PSMC2: variants seen among roughly 807,000 people sequenced by gnomAD.
PSMC2 encodes the protein proteasome 26S subunit, ATPase 2, also known as 26S proteasome regulatory subunit 7.
In PSMC2, 7 loss-of-function variants were observed where a neutral mutation model predicts 53.3. The ratio of observed to expected loss-of-function variants is 0.13; its 90% CI spans 0.07 to 0.25. PSMC2 has a LOEUF of 0.25. PSMC2 is among the 10% of genes least tolerant of loss of function. The probability of loss-of-function intolerance (pLI) is 1.00; values close to 1 mark genes in which losing one functional copy is unlikely to be tolerated. For synonymous variants in PSMC2, 169 were observed against 183.9 expected (o/e 0.92, Z 0.66); for missense variants, 241 against 544.0 (o/e 0.44, Z 5.54).
intron 1 of PSMC2, chr7:103,348,782 T>G: frequency 1.1e-6 from 1 of 928,654 alleles, no homozygotes; most frequent in African/African-American, 1.6e-5. Flanking sequence ...GTGATCTTCC[T>G]TCAAAGGATT....
chr7:103,369,063 C>T lies in PSMC2; in HGVS notation c.*1009C>T, dbSNP rs1317696545. 1 of 152,000 alleles carries T rather than the reference C, an allele frequency of 6.6e-6. No individual in the cohort carries two copies. The highest frequency in any genetic ancestry group is 2.4e-5 in the African/African-American group (1 of 41,384). The allele number at this position is 152,000 out of a possible 1,614,324, so 9.4% of individuals were successfully genotyped here. A position where few individuals can be genotyped will look rare whatever the true frequency, so the allele number is the denominator to read the frequency against. On this transcript the variant is annotated 3_prime_UTR_variant, in exon 12 of 12. Coordinates refer to ENST00000292644, the MANE Select transcript of PSMC2 (RefSeq NM_002803.4). ...AAGTTCGATATTCATAAATAAGTTG[C>T]AAAATAAGAGTTGGATATATTTTTA... is the stretch of plus-strand genomic sequence containing the variant.
At chr7:103,352,215 TAAAAAA>T (rs769618353) in intron 1 of PSMC2, among the ~76,000 whole-genome samples, 676 of 40,612 alleles carry the variant, frequency 0.017, 9 homozygotes, top group African/African-American at 0.057. Flanking sequence ...CATACTTAGT[TAAAAAA>T]AAAAAAAAAA....
chr7:103,348,819 C>T (rs1819665180), intron 1 of PSMC2: 1 of 709,116 alleles, frequency 1.4e-6, no homozygotes, highest in Non-Finnish European at 2.6e-6. Context: ...CAATGGAAAA[C>T]CATGATAGTT....
At chr7:103,362,281 C>T in intron 5 of PSMC2, 193 bp downstream of exon 5, 1 of 1,408,206 alleles carries the variant, frequency 7.1e-7, no homozygotes, top group Admixed American at 3.2e-5. Flanking sequence ...GCTGACTCCC[C>T]TACTCCCACT....
intron 7 of PSMC2, among the ~76,000 whole-genome samples, chr7:103,363,926 A>G (rs1033061191): frequency 6.6e-6 from 1 of 152,216 alleles, no homozygotes; most frequent in Non-Finnish European, 1.5e-5. Context: ...AGTCTTATGT[A>G]TTGATAGAAG....
intron 5 of PSMC2, 107 bp from the exon 6 acceptor site, chr7:103,362,577 GTC>G: frequency 7.0e-7 from 1 of 1,435,398 alleles, no homozygotes; most frequent in Non-Finnish European, 9.5e-7. Context: ...TAGGGACTCT[GTC>G]TCTCTCTTGT....
At chr7:103,364,352 T>G (rs758727100) in intron 8 of PSMC2, 45 bp downstream of exon 8, 1 of 1,601,310 alleles carries the variant, frequency 6.2e-7, no homozygotes, top group South Asian at 1.1e-5. Flanking sequence ...TGAAAGATTT[T>G]ACAGTATGAA....
chr7:103,365,543 C>T (rs1820670633), intron 8 of PSMC2, among the ~76,000 whole-genome samples: 2 of 152,164 alleles, frequency 1.3e-5, no homozygotes, highest in African/African-American at 2.4e-5. Context: ...GCATGAGAAT[C>T]GCTTGAACCC....
At chr7:103,353,835 G>T (rs554411468) in intron 1 of PSMC2, 86 bp from the exon 2 acceptor site, 2 of 1,150,932 alleles carry the variant, frequency 1.7e-6, no homozygotes, top group African/African-American at 1.6e-5. Flanking sequence ...AATTTGAATC[G>T]AACAGAAAAA....
At chr7:103,363,650 A>C (rs960518575) in intron 7 of PSMC2, among the ~76,000 whole-genome samples, 6 of 151,714 alleles carry the variant, frequency 4.0e-5, no homozygotes, top group African/African-American at 1.5e-4. Flanking sequence ...TAAAAAAGAA[A>C]GATCTGCTGT....
chr7:103,362,839 G>T, intron 6 of PSMC2, 81 bp downstream of exon 6: 2 of 1,120,640 alleles, frequency 1.8e-6, no homozygotes, highest in Admixed American at 2.0e-5. Flanking sequence ...TCTTGTCCAG[G>T]CTGGAGTAGA....
At chr7:103,361,000 G>C (rs1820357216) in intron 4 of PSMC2, among the ~76,000 whole-genome samples, 1 of 152,084 alleles carries the variant, frequency 6.6e-6, no homozygotes. Flanking sequence ...TGTAATGCCA[G>C]CTACTTGGGA....
Position 103,367,343 on chromosome 7 carries a change from A to T in PSMC2, c.845-70A>T. 6.8e-7 allele frequency: 1 copy of T among 1,464,962 alleles called. No homozygotes were observed. The highest frequency in any genetic ancestry group is 9.5e-7 in the Non-Finnish European group (1 of 1,052,234). 90.7% of individuals were successfully genotyped at this position (1,464,962 alleles called of 1,614,324 possible). ...CATGATTTGAGCTGAGATTTTTGGTACTTTCAGGTCATGCATAGTGCTACT... is the reference window on the plus strand; with the variant it reads ...CATGATTTGAGCTGAGATTTTTGGTTCTTTCAGGTCATGCATAGTGCTACT... On this transcript the variant is annotated intron_variant, in intron 9 of 11. Transcript: ENST00000292644. This position sits in a 1 kb window ranked among gnomAD's most constrained non-coding sequence, Gnocchi z 6.1.
intron 4 of PSMC2, among the ~76,000 whole-genome samples, chr7:103,358,408 G>A (rs144394763): frequency 1.3e-3 from 197 of 152,126 alleles, no homozygotes; most frequent in African/African-American, 4.5e-3. Context: ...CTTTCCTTCC[G>A]TTTTCTTGGA....
rs1292922429 is a variant in PSMC2, at chr7:103,369,211, T to A, written c.*1157T>A. 1 of 152,228 alleles carries A rather than the reference T, an allele frequency of 6.6e-6. No homozygotes were observed. Among genetic ancestry groups the A allele is most frequent in the Non-Finnish European group, 1.5e-5 (1 of 68,034 alleles). 9.4% of individuals were successfully genotyped at this position (152,228 alleles called of 1,614,324 possible). A position where few individuals can be genotyped will look rare whatever the true frequency, so the allele number is the denominator to read the frequency against. On this transcript the variant is annotated 3_prime_UTR_variant, in exon 12 of 12. Transcript: ENST00000292644. The stretch of plus-strand genomic sequence containing the variant: ...ATAAAATCCAACCAACATTCTTGAT[T>A]TTTCATTTTTATGAACTTGATCAGA...
At chr7:103,357,537 AT>A (rs1348310737) in intron 4 of PSMC2, among the ~76,000 whole-genome samples, 1 of 152,078 alleles carries the variant, frequency 6.6e-6, no homozygotes, top group Admixed American at 6.6e-5. Flanking sequence ...TTGGCTTTCC[AT>A]CATGGAAGAT....
chr7:103,362,792 G>GTA, intron 6 of PSMC2, 34 bp downstream of exon 6: 82 of 867,794 alleles, frequency 9.4e-5, no homozygotes, highest in Non-Finnish European at 1.4e-4. Flanking sequence ...GGAAGGCTAT[G>GTA]TCTTTTTTTT....
chr7:103,350,017 A>G (rs1819694006), intron 1 of PSMC2, among the ~76,000 whole-genome samples: 3 of 152,230 alleles, frequency 2.0e-5, no homozygotes, highest in African/African-American at 7.2e-5. Context: ...AAGTGGTATC[A>G]ATTTTTGTTA....
At chr7:103,349,155 A>C (rs995128526) in intron 1 of PSMC2, among the ~76,000 whole-genome samples, 3 of 152,112 alleles carry the variant, frequency 2.0e-5, no homozygotes, top group Non-Finnish European at 4.4e-5. Context: ...TTTCTTAACA[A>C]CTTCAACTTT....
Sources: gnomAD v4.1 joint callset for allele counts (sites outside exome capture counted in the v4.1 genomes callset) on GRCh38, gnomAD v4.1.1 for gene constraint, Gnocchi (gnomAD v3.1) non-coding constraint, MANE v1.5 for transcripts, NCBI Gene and HGNC (gene_info 2026-07-23, HGNC 2026-07-21) for gene names.